EYS: variants seen among roughly 807,000 people sequenced by gnomAD.
EYS encodes protein eyes shut homolog.
EYS carries 250 observed loss-of-function variants against 282.1 expected under a neutral mutation model. The ratio of observed to expected loss-of-function variants is 0.89; its 90% confidence interval spans 0.80 to 0.98. EYS has a LOEUF of 0.98. Among genes scored for constraint, EYS ranks in the 50% least tolerant of loss-of-function variants. The probability of loss-of-function intolerance (pLI) is 0.00; values close to 1 mark genes in which losing one functional copy is unlikely to be tolerated. For synonymous variants in EYS, 1,355 were observed against 1,282.9 expected, an observed-to-expected ratio of 1.06 and a Z score of -1.20; for missense variants, 4,016 against 3,709.0, an observed-to-expected ratio of 1.08 and a Z score of -2.15.
chr6:64,443,907 A>T (rs553464901), intron 26 of EYS, among the ~76,000 whole-genome samples: 1 of 152,296 alleles, frequency 6.6e-6, no homozygotes, highest in Admixed American at 6.5e-5. Flanking sequence ...TAGAGTCATT[A>T]AAAAAGATTT....
At chr6:63,811,756 A>C (rs1000550423) in intron 36 of EYS, among the ~76,000 whole-genome samples, 2 of 151,892 alleles carry the variant, frequency 1.3e-5, no homozygotes, top group African/African-American at 4.8e-5. Flanking sequence ...CCCCAACCCA[A>C]ATCCCTTCCC....
intron 12 of EYS, among the ~76,000 whole-genome samples, chr6:65,180,610 T>A (rs1185106457): frequency 6.6e-6 from 1 of 152,018 alleles, no homozygotes. Context: ...AGAATCAATA[T>A]CGTGAAAATG....
chr6:65,446,569 G>C (rs1375274569), intron 5 of EYS, among the ~76,000 whole-genome samples: 1 of 151,796 alleles, frequency 6.6e-6, no homozygotes, highest in African/African-American at 2.4e-5. Context: ...TTAATGGCAA[G>C]ACAAGATATC....
intron 26 of EYS, among the ~76,000 whole-genome samples, chr6:64,582,923 G>A (rs541989483): frequency 2.6e-5 from 4 of 152,270 alleles, no homozygotes; most frequent in Admixed American, 2.6e-4. Context: ...TATTGCTCCT[G>A]TGTGTTGGGT....
intron 22 of EYS, among the ~76,000 whole-genome samples, chr6:64,700,374 TC>T (rs1486040961): frequency 6.6e-6 from 1 of 152,024 alleles, no homozygotes; most frequent in Non-Finnish European, 1.5e-5. Flanking sequence ...GAACTAGAAG[TC>T]TTAGCCAGAG....
chr6:64,988,375 G>A (rs1770938150), intron 14 of EYS, among the ~76,000 whole-genome samples: 2 of 150,666 alleles, frequency 1.3e-5, no homozygotes, highest in South Asian at 4.2e-4. Context: ...TCAAACAAAT[G>A]CTATCATGTC....
At chr6:64,670,622 C>T (rs765066784) in intron 22 of EYS, among the ~76,000 whole-genome samples, 5 of 151,912 alleles carry the variant, frequency 3.3e-5, no homozygotes, top group Non-Finnish European at 7.4e-5. Context: ...CTTTTGTGTC[C>T]CCAGCTTCCA....
chr6:63,777,723 C>T, intron 40 of EYS: 1 of 288,492 alleles, frequency 3.5e-6, no homozygotes, highest in South Asian at 5.6e-5. Context: ...TCTGTCTACT[C>T]TCTCAATAGT....
chr6:65,027,689 G>A (rs1052782488), intron 13 of EYS, among the ~76,000 whole-genome samples: 2 of 152,200 alleles, frequency 1.3e-5, no homozygotes, highest in South Asian at 2.1e-4. Context: ...CTTCTTTCAC[G>A]TAAGAAAATG....
intron 33 of EYS, among the ~76,000 whole-genome samples, chr6:64,021,323 G>C (rs1582146272): frequency 6.6e-6 from 1 of 151,884 alleles, no homozygotes; most frequent in East Asian, 1.9e-4. Context: ...TGCTAGACTG[G>C]GGGGAGTTTG....
chr6:63,814,794 CA>C (rs1308816552), intron 36 of EYS, among the ~76,000 whole-genome samples: 1 of 152,128 alleles, frequency 6.6e-6, no homozygotes, highest in Non-Finnish European at 1.5e-5. Context: ...ATAGTATCTG[CA>C]ATACATTACA....
chr6:64,057,313 A>G (rs992581202), intron 33 of EYS, among the ~76,000 whole-genome samples: 1 of 152,084 alleles, frequency 6.6e-6, no homozygotes, highest in Non-Finnish European at 1.5e-5. Flanking sequence ...TATATTGATG[A>G]AGCATGAGCA....
chr6:65,316,470 C>A (rs927375253), intron 11 of EYS, among the ~76,000 whole-genome samples: 16 of 119,854 alleles, frequency 1.3e-4, no homozygotes, highest in Non-Finnish European at 2.4e-4. Context: ...CTTTTTTAAT[C>A]GTCAACTTTT....
At chr6:64,390,563 C>G (rs1773088268) in intron 28 of EYS, among the ~76,000 whole-genome samples, 1 of 149,960 alleles carries the variant, frequency 6.7e-6, no homozygotes, top group Non-Finnish European at 1.5e-5. Context: ...AGCTGAGGGT[C>G]CTGACTGTTA....
chr6:64,062,691 C>CAAAAAAAA (rs1023609648), intron 33 of EYS, among the ~76,000 whole-genome samples: 3 of 58,958 alleles, frequency 5.1e-5, no homozygotes, highest in African/African-American at 1.1e-4. Flanking sequence ...AACTCCAACT[C>CAAAAAAAA]AAAAAAAAAA....
At chr6:65,517,229 G>A (rs1200817417) in intron 2 of EYS, among the ~76,000 whole-genome samples, 1 of 151,116 alleles carries the variant, frequency 6.6e-6, no homozygotes, top group Non-Finnish European at 1.5e-5. Context: ...TATAAACCTA[G>A]GATATATTTT....
chr6:64,781,280 T>C (rs547912614), intron 22 of EYS, among the ~76,000 whole-genome samples: 1 of 152,280 alleles, frequency 6.6e-6, no homozygotes, highest in South Asian at 2.1e-4. Context: ...CACAGACCTA[T>C]TGAATCAGAA....
chr6:64,108,318 T>TA (rs1325846961), intron 31 of EYS, among the ~76,000 whole-genome samples: 2 of 152,134 alleles, frequency 1.3e-5, no homozygotes, highest in African/African-American at 4.8e-5. Context: ...CAATAAATTA[T>TA]AATTCTCTGT....
intron 10 of EYS, among the ~76,000 whole-genome samples, chr6:65,341,100 C>A (rs1161265489): frequency 6.6e-6 from 1 of 151,158 alleles, no homozygotes; most frequent in Admixed American, 6.6e-5. Flanking sequence ...TAAGAGGAAG[C>A]TCAGCTGGGA....
Sources: gnomAD v4.1 joint callset for allele counts (sites outside exome capture counted in the v4.1 genomes callset) on GRCh38, gnomAD v4.1.1 for gene constraint, MANE v1.5 for transcripts, NCBI Gene and HGNC (gene_info 2026-07-23, HGNC 2026-07-21) for gene names.